Variants in RBPMS observed in about 807,000 individuals in gnomAD.
The protein encoded by RBPMS is RNA-binding protein with multiple splicing.
In RBPMS, 7 loss-of-function variants were observed where a neutral mutation model predicts 26.8. That is an observed-to-expected ratio of 0.26 (90% confidence interval 0.15 to 0.49). The LOEUF is 0.49. Among genes scored for constraint, RBPMS ranks in the 20% least tolerant of loss-of-function variants. The pLI, the probability that RBPMS is intolerant of heterozygous loss-of-function variation, is 0.98. For missense variants in RBPMS, 186 were observed against 250.0 expected (o/e 0.74, Z 1.73); for synonymous variants, 96 against 93.3 (o/e 1.03, Z -0.17).
chr8:30,498,403 A>G (rs1272696068), intron 4 of RBPMS, among the ~76,000 whole-genome samples: 1 of 152,236 alleles, frequency 6.6e-6, no homozygotes, highest in African/African-American at 2.4e-5. Context: ...GGGTCGATGA[A>G]TCAGCTTTCA....
chr8:30,393,241 C>CT (rs879636647), intron 1 of RBPMS, among the ~76,000 whole-genome samples: 38 of 147,104 alleles, frequency 2.6e-4, no homozygotes, highest in Middle Eastern at 3.5e-3. Flanking sequence ...TTCTCATATG[C>CT]TTTTTTTTTT....
chr8:30,554,067 C>T (rs780382006), intron 6 of RBPMS, among the ~76,000 whole-genome samples: 26 of 152,238 alleles, frequency 1.7e-4, no homozygotes, highest in African/African-American at 5.5e-4. Flanking sequence ...TGAGCCACGG[C>T]GCCCTGCCCA....
chr8:30,552,552 A>G (rs1826480261), intron 6 of RBPMS: 1 of 152,170 alleles, frequency 6.6e-6, no homozygotes, highest in Non-Finnish European at 1.5e-5. Context: ...GCTCCTGGGG[A>G]CCTCTAATGG....
chr8:30,515,955 CT>C lies in RBPMS; in HGVS notation c.397+11525del, dbSNP rs1174129923. On this transcript the variant is annotated intron_variant, in intron 5 of 8. Coordinates refer to ENST00000397323, the MANE Select transcript of RBPMS (RefSeq NM_001008710.3). Reference sequence around the variant, plus strand: ...TTAGGCACCGTACCTGGCCCCTTACCTTTTTTAACTTCAAAAGTTTATAACA... The same window carrying C: ...TTAGGCACCGTACCTGGCCCCTTACCTTTTTAACTTCAAAAGTTTATAACA... 2.0e-5 allele frequency among the ~76,000 whole-genome samples: 3 copies of C among 152,290 alleles called. No homozygotes were observed. The East Asian group carries it at 5.8e-4, about 29-fold the overall frequency.
At chr8:30,517,222 G>A (rs1822427313) in intron 5 of RBPMS, among the ~76,000 whole-genome samples, 1 of 149,970 alleles carries the variant, frequency 6.7e-6, no homozygotes, top group African/African-American at 2.5e-5. Flanking sequence ...GTGTGTGTGT[G>A]TGTGTGTGTG....
chr8:30,412,394 A>G lies in RBPMS; in HGVS notation c.66+27236A>G, dbSNP rs142139444. Among the ~76,000 whole-genome samples the G allele has an allele frequency of 4.1e-3, 619 of 151,950 alleles. 3 individuals carry two copies. Among genetic ancestry groups the G allele is most frequent in the African/African-American group, 0.014 (599 of 41,426 alleles). On this transcript the variant is annotated intron_variant, in intron 1 of 8. Coordinates refer to ENST00000397323, the MANE Select transcript of RBPMS (RefSeq NM_001008710.3). ...TGAGCCCAGATGACTGTGGCAGTCC[A>G]TGACTGTTCCCGGAATGGGCTCAGG...
At position 30,570,970 on chromosome 8, in the gene RBPMS, T is replaced by TAAAAATATCTATTTTTTTCCTCTGA. The variant is rs1489824683; in HGVS notation, c.*447_*471dup. 1.6e-4 allele frequency: 24 copies of TAAAAATATCTATTTTTTTCCTCTGA among 152,350 alleles called. No individual in the cohort carries two copies. The highest frequency in any genetic ancestry group is 5.5e-4 in the African/African-American group (23 of 41,584). The allele number at this position is 152,350 out of a possible 1,614,324, so 9.4% of individuals were successfully genotyped here. ...TTCTTGACTTTTGAATGCTTGTAAT[T>TAAAAATATCTATTTTTTTCCTCTGA]AAAAATATCTATTTTTTTCCTCTGA... On this transcript the variant is annotated 3_prime_UTR_variant, in exon 9 of 9. Transcript: ENST00000397323.
chr8:30,456,796 C>T (rs1815271801), intron 1 of RBPMS, among the ~76,000 whole-genome samples: 1 of 152,158 alleles, frequency 6.6e-6, no homozygotes, highest in South Asian at 2.1e-4. Context: ...TGGCGTGCGC[C>T]TGTAGTCCCA....
chr8:30,426,496 C>T (rs969553894), intron 1 of RBPMS, among the ~76,000 whole-genome samples: 1 of 152,100 alleles, frequency 6.6e-6, no homozygotes, highest in Non-Finnish European at 1.5e-5. Context: ...AGATCATGAA[C>T]ATTTGGGGTC....
At chr8:30,456,745 C>A (rs937927925) in intron 1 of RBPMS, among the ~76,000 whole-genome samples, 2 of 152,132 alleles carry the variant, frequency 1.3e-5, no homozygotes, top group African/African-American at 4.8e-5. Flanking sequence ...GATAGTGAAA[C>A]CCCGTCTCTA....
intron 1 of RBPMS, among the ~76,000 whole-genome samples, chr8:30,395,518 C>T (rs77899608): frequency 0.03 from 2,662 of 89,950 alleles, 80 homozygotes; most frequent in South Asian, 0.044. Context: ...TGTAATCAAA[C>T]CTGTAAAAAC....
chr8:30,526,992 C>T (rs117169499), intron 5 of RBPMS, among the ~76,000 whole-genome samples: 2,524 of 152,198 alleles, frequency 0.017, 41 homozygotes, highest in Non-Finnish European at 0.027. Flanking sequence ...ATTCAGATAG[C>T]GCTCTGTAGC....
At chr8:30,567,689 A>T (rs746235778) in intron 8 of RBPMS, among the ~76,000 whole-genome samples, 34 of 152,238 alleles carry the variant, frequency 2.2e-4, no homozygotes, top group Non-Finnish European at 3.4e-4. Context: ...AAGGAGCAGG[A>T]GTTTTCCTGG....
At chr8:30,562,617 G>A (rs1443932134) in intron 7 of RBPMS, among the ~76,000 whole-genome samples, 1 of 152,136 alleles carries the variant, frequency 6.6e-6, no homozygotes, top group African/African-American at 2.4e-5. Context: ...TTAGGCAAAT[G>A]TAAATTAGAA....
At chr8:30,444,889 C>T (rs572143976) in intron 1 of RBPMS, 28 of 152,310 alleles carry the variant, frequency 1.8e-4, no homozygotes, top group African/African-American at 5.1e-4. Flanking sequence ...CGGTAAGAAC[C>T]GAAAGCCACC....
intron 5 of RBPMS, among the ~76,000 whole-genome samples, chr8:30,531,658 A>C (rs1398615510): frequency 6.6e-6 from 1 of 152,206 alleles, no homozygotes; most frequent in African/African-American, 2.4e-5. Flanking sequence ...AGTTATTTAC[A>C]TTAGCATTTG....
At chr8:30,546,063 TG>T (rs1398067607) in intron 6 of RBPMS, among the ~76,000 whole-genome samples, 1 of 152,148 alleles carries the variant, frequency 6.6e-6, no homozygotes, top group African/African-American at 2.4e-5. Flanking sequence ...AATGTAAACC[TG>T]TGGGTGTCTT....
In RBPMS at chr8:30,470,837, G is replaced by A. The variant is rs1017580158; in HGVS notation, c.67-3942G>A. On this transcript the variant is annotated intron_variant, in intron 1 of 8. Transcript: ENST00000397323. ...GGTGAGTGGCAAACTTAGGCCTGAC[G>A]GGAGCTCAGATTTTCTTTTTCCCCA... is the stretch of plus-strand genomic sequence containing the variant. Among the ~76,000 whole-genome samples the A allele has an allele frequency of 3.9e-5, 6 of 152,246 alleles. No homozygotes were observed. The South Asian group carries it at 6.2e-4, about 16-fold the overall frequency.
chr8:30,556,549 C>G, intron 6 of RBPMS: 1 of 986,666 alleles, frequency 1.0e-6, no homozygotes, highest in Non-Finnish European at 1.2e-6. Context: ...ACGTCTTGGC[C>G]TCGTCGGGGC....
Sources: allele counts gnomAD v4.1 joint callset (sites outside exome capture counted in the v4.1 genomes callset), GRCh38; gene constraint gnomAD v4.1.1; transcripts MANE v1.5; gene names NCBI Gene and HGNC (gene_info 2026-07-23, HGNC 2026-07-21).